SH3RF2: variants seen among roughly 807,000 people sequenced by gnomAD.
The protein encoded by SH3RF2 is SH3 domain containing ring finger 2.
Under a neutral mutation model 59.0 loss-of-function variants are expected in SH3RF2, and 43 were observed. That is an observed-to-expected ratio of 0.73 (90% CI 0.57 to 0.94). The LOEUF (loss-of-function observed/expected upper bound fraction) is 0.94. Ranked by LOEUF, SH3RF2 falls within the 40% of genes least tolerant of loss-of-function variation. SH3RF2 has a pLI of 0.00. For synonymous variants in SH3RF2, 391 were observed against 391.5 expected (o/e 1.00, Z 0.01); for missense variants, 930 against 940.1 (o/e 0.99, Z 0.14).
intron 2 of SH3RF2, among the ~76,000 whole-genome samples, chr5:145,999,209 T>C (rs1760293504): frequency 6.6e-6 from 1 of 152,184 alleles, no homozygotes; most frequent in Non-Finnish European, 1.5e-5. Flanking sequence ...TGCAGCTTCC[T>C]CATCTCTCTC....
intron 2 of SH3RF2, among the ~76,000 whole-genome samples, chr5:145,999,741 G>A (rs2149983070): frequency 6.6e-6 from 1 of 152,070 alleles, no homozygotes; most frequent in South Asian, 2.1e-4. Context: ...CGCCCCCCGA[G>A]ACATTACAAT....
chr5:145,967,129 T>C (rs1758888562), intron 2 of SH3RF2, among the ~76,000 whole-genome samples: 1 of 152,226 alleles, frequency 6.6e-6, no homozygotes, highest in Non-Finnish European at 1.5e-5. Flanking sequence ...AATCATCCTA[T>C]TGAAACAATG....
chr5:146,004,866 T>C (rs1288841574), intron 4 of SH3RF2, among the ~76,000 whole-genome samples: 5 of 152,138 alleles, frequency 3.3e-5, no homozygotes, highest in Non-Finnish European at 5.9e-5. Context: ...AGTGTGAATA[T>C]ACTTAACACT....
chr5:146,038,044 T>C (rs1291205525), intron 5 of SH3RF2, among the ~76,000 whole-genome samples: 3 of 152,166 alleles, frequency 2.0e-5, no homozygotes, highest in African/African-American at 7.2e-5. Flanking sequence ...TTAACTGATA[T>C]ATTTTATCAC....
At chr5:146,064,803 GGAAGGAAAGAAAGAAA>G (rs1763048749), downstream of SH3RF2, among the ~76,000 whole-genome samples, 6 of 20,812 alleles carry the variant, frequency 2.9e-4, 1 homozygote, top group African/African-American at 9.5e-4. Flanking sequence ...AAGGAAGGAA[GGAAGGAAAGAAAGAAA>G]GAAAGAAAGA....
chr5:146,064,732 AAGGAAGG>A (rs1763029584), downstream of SH3RF2, among the ~76,000 whole-genome samples: 1 of 9,414 alleles, frequency 1.1e-4, no homozygotes, highest in African/African-American at 2.3e-4. Flanking sequence ...GAAAGAAAGG[AAGGAAGG>A]AAGGAAGGAA....
At chr5:145,993,823 C>G (rs760956829) in intron 2 of SH3RF2, among the ~76,000 whole-genome samples, 2 of 152,226 alleles carry the variant, frequency 1.3e-5, no homozygotes, top group African/African-American at 4.8e-5. Context: ...TCCCACCACC[C>G]CCCTGTCGTC....
intron 5 of SH3RF2, among the ~76,000 whole-genome samples, chr5:146,039,014 G>A (rs1249323771): frequency 6.6e-6 from 1 of 152,216 alleles, no homozygotes; most frequent in Non-Finnish European, 1.5e-5. Context: ...AACAGACACA[G>A]CATAGAGGCT....
At position 145,938,785 on chromosome 5, in the gene SH3RF2, G is replaced by A. The variant is rs189282847; in HGVS notation, c.378+479G>A. ...CCCCTAGTCATAAAGTGCTATTATG[G>A]CAATACTCATTCATAATCTGTTCCA... On this transcript the variant is annotated intron_variant, in intron 2 of 9. Transcript: ENST00000359120. Among the ~76,000 whole-genome samples the A allele has an allele frequency of 3.6e-3, 544 of 152,256 alleles. 4 individuals carry two copies. The highest frequency in any genetic ancestry group is 0.013 in the African/African-American group (520 of 41,536).
At chr5:146,024,876 G>A (rs189965293) in intron 5 of SH3RF2, among the ~76,000 whole-genome samples, 5 of 152,256 alleles carry the variant, frequency 3.3e-5, no homozygotes. Context: ...CAACACATCA[G>A]GAAGCACATA....
At chr5:146,009,096 T>C (rs1760771051) in intron 4 of SH3RF2, among the ~76,000 whole-genome samples, 1 of 152,238 alleles carries the variant, frequency 6.6e-6, no homozygotes. Flanking sequence ...AACATTTGCA[T>C]ACTGGTTTTT....
chr5:145,970,978 T>C (rs1561716722), intron 2 of SH3RF2, among the ~76,000 whole-genome samples: 1 of 152,128 alleles, frequency 6.6e-6, no homozygotes, highest in African/African-American at 2.4e-5. Flanking sequence ...TTTGAGTCAT[T>C]TGGGGGTCAT....
At chr5:145,975,421 C>G (rs1307008512) in intron 2 of SH3RF2, among the ~76,000 whole-genome samples, 1 of 152,208 alleles carries the variant, frequency 6.6e-6, no homozygotes, top group Non-Finnish European at 1.5e-5. Context: ...TCACAGGAAG[C>G]CTCCTCATGC....
intron 5 of SH3RF2, among the ~76,000 whole-genome samples, chr5:146,045,221 C>T (rs1216930526): frequency 6.6e-6 from 1 of 152,202 alleles, no homozygotes; most frequent in African/African-American, 2.4e-5. Context: ...TTTGAAGGAA[C>T]CAGTGTGACA....
chr5:146,037,876 G>A (rs1761995307), intron 5 of SH3RF2, among the ~76,000 whole-genome samples: 1 of 152,068 alleles, frequency 6.6e-6, no homozygotes, highest in Non-Finnish European at 1.5e-5. Context: ...GACAACATAA[G>A]AAAGGAAAAG....
chr5:146,040,970 G>A (rs1425353710), intron 5 of SH3RF2, among the ~76,000 whole-genome samples: 2 of 152,120 alleles, frequency 1.3e-5, no homozygotes, highest in South Asian at 2.1e-4. Context: ...TGACAGGAAC[G>A]GTGGTCATCC....
intron 2 of SH3RF2, among the ~76,000 whole-genome samples, chr5:145,986,174 AG>A (rs1277993295): frequency 6.6e-6 from 1 of 152,182 alleles, no homozygotes; most frequent in Non-Finnish European, 1.5e-5. Context: ...AATCACGTTC[AG>A]GGGCCACCTC....
At chr5:146,038,072 GA>G (rs951615798) in intron 5 of SH3RF2, among the ~76,000 whole-genome samples, 27 of 151,894 alleles carry the variant, frequency 1.8e-4, no homozygotes, top group Non-Finnish European at 2.2e-4. Context: ...GATTAAAGGA[GA>G]AAAAAATGTG....
At chr5:146,068,663 G>A (rs1310016455) in intron 9 of SH3RF2, among the ~76,000 whole-genome samples, 2 of 152,036 alleles carry the variant, frequency 1.3e-5, no homozygotes, top group Admixed American at 6.6e-5. Context: ...TTAAATGATC[G>A]AGCAGACTGT....
Sources: gnomAD v4.1 joint callset for allele counts (sites outside exome capture counted in the v4.1 genomes callset) on GRCh38, gnomAD v4.1.1 for gene constraint, MANE v1.5 for transcripts, NCBI Gene and HGNC (gene_info 2026-07-23, HGNC 2026-07-21) for gene names.